The following COL19A1 variants were observed in gnomAD, a reference collection of about 807,000 sequenced individuals.
The protein encoded by COL19A1 is collagen alpha-1(XIX) chain.
COL19A1 carries 159 observed loss-of-function variants against 190.2 expected under a neutral mutation model. The ratio of observed to expected loss-of-function variants is 0.84; its 90% CI spans 0.73 to 0.95. The LOEUF is 0.95. COL19A1 is among the 40% of genes least tolerant of loss of function. The pLI is 0.00. For synonymous variants in COL19A1, 509 were observed against 458.9 expected (o/e 1.11, Z -1.39); for missense variants, 1,418 against 1,431.9 (o/e 0.99, Z 0.16).
intron 14 of COL19A1, among the ~76,000 whole-genome samples, chr6:70,063,224 G>A (rs1297775726): frequency 7.2e-5 from 11 of 151,878 alleles, no homozygotes; most frequent in Non-Finnish European, 1.0e-4. Flanking sequence ...TGACCACATA[G>A]TTGGAAGTAA....
intron 9 of COL19A1, among the ~76,000 whole-genome samples, chr6:69,945,552 C>T (rs1193629722): frequency 6.6e-6 from 1 of 152,002 alleles, no homozygotes; most frequent in Admixed American, 6.6e-5. Context: ...AATAACTTTA[C>T]AGAAGTAGGA....
intron 16 of COL19A1, among the ~76,000 whole-genome samples, chr6:70,110,403 T>C (rs1384318813): frequency 6.6e-6 from 1 of 152,142 alleles, no homozygotes; most frequent in Non-Finnish European, 1.5e-5. Flanking sequence ...ACAATTTATT[T>C]GAGTCAATGG....
intron 19 of COL19A1, among the ~76,000 whole-genome samples, chr6:70,138,384 A>G (rs1248847468): frequency 6.6e-6 from 1 of 152,146 alleles, no homozygotes; most frequent in Admixed American, 6.5e-5. Flanking sequence ...TTCAAATAGG[A>G]CCACCTAAAG....
Position 70,190,335 on chromosome 6 carries a change from A to G in COL19A1, c.3048A>G (p.Glu1016=). The change falls in exon 48 of 51, where the codon GAA becomes GAG. Residue 1016 remains glutamate, a synonymous_variant. Transcript: ENST00000620364. ...TTCAGGCTGATGCAGTTTCATTTGA[A>G]GAAATAAAGAAGTATATTAATCAAG... is the stretch of plus-strand genomic sequence containing the variant. ...PGIPADAVSF[E]EIKKYINQEV... The G allele has an allele frequency of 6.2e-7, 1 of 1,606,492 alleles. No homozygotes were observed. The highest frequency in any genetic ancestry group is 8.5e-7 in the Non-Finnish European group (1 of 1,174,598).
Position 69,981,324 on chromosome 6 carries a change from T to G in COL19A1, c.1026+18454T>G, listed in dbSNP as rs911751004. The stretch of plus-strand genomic sequence containing the variant: ...ATATCATAGAGTATTATAGAACTAC[T>G]GAATAAATTAGGATTCTGCTGGGTA... On this transcript the variant is annotated intron_variant, in intron 11 of 50. Coordinates refer to ENST00000620364, the MANE Select transcript of COL19A1 (RefSeq NM_001858.6). Among the ~76,000 whole-genome samples the G allele has an allele frequency of 3.9e-5, 6 of 152,250 alleles. No individual in the cohort carries two copies. In the East Asian group the frequency reaches 1.2e-3, roughly 29 times the overall value.
At chr6:70,009,934 A>T (rs1000930959) in intron 11 of COL19A1, among the ~76,000 whole-genome samples, 8 of 152,192 alleles carry the variant, frequency 5.3e-5, no homozygotes, top group Non-Finnish European at 8.8e-5. Flanking sequence ...CACATTATAG[A>T]AAACTTACTT....
intron 46 of COL19A1, among the ~76,000 whole-genome samples, chr6:70,185,565 G>GT (rs1353772428): frequency 6.6e-6 from 1 of 152,116 alleles, no homozygotes; most frequent in Admixed American, 6.5e-5. Flanking sequence ...GTTTTGTGTT[G>GT]TTTGGAGCGT....
rs145388052 is a variant in COL19A1 at position 70,184,903 on chromosome 6, C to G, written c.2844C>G (p.Pro948=). The change falls in exon 46 of 51, where the codon CCC becomes CCG. Residue 948 remains proline (P), a synonymous_variant. Coordinates refer to ENST00000620364, the MANE Select transcript of COL19A1 (RefSeq NM_001858.6). ...TGGGTAAGCCTGGAGACAGAGGCCC[C>G]AAAGGAGAACGTGTATGTATATTAC... ...GIMGKPGDRG[P]KGERGDQGIP... is the part of the protein sequence containing the mutation. 8.7e-5 allele frequency: 140 copies of G among 1,612,900 alleles called. 1 individual carries two copies. In the African/African-American group the frequency reaches 1.5e-3, roughly 17 times the overall value.
At chr6:70,132,900 T>C (rs1164664605) in intron 18 of COL19A1, among the ~76,000 whole-genome samples, 2 of 151,976 alleles carry the variant, frequency 1.3e-5, no homozygotes, top group African/African-American at 2.4e-5. Flanking sequence ...ATGGGCAGAA[T>C]TGTATCTACA....
intron 11 of COL19A1, among the ~76,000 whole-genome samples, chr6:70,009,859 C>G (rs750693953): frequency 2.2e-5 from 3 of 138,982 alleles, no homozygotes; most frequent in Non-Finnish European, 4.4e-5. Flanking sequence ...TTTCAACAAC[C>G]CTTTTATATG....
In COL19A1 at chr6:70,190,217, C is replaced by G. The variant is rs935836149; in HGVS notation, c.3028-98C>G. 93 of 871,144 alleles carry G rather than the reference C, an allele frequency of 1.1e-4. 1 individual carries two copies. Among genetic ancestry groups the G allele is most frequent in the Admixed American group, 1.6e-4 (6 of 38,642 alleles). The allele number at this position is 871,144 out of a possible 1,614,324, so 54.0% of individuals were successfully genotyped here. A position where few individuals can be genotyped will look rare whatever the true frequency, so the allele number is the denominator to read the frequency against. On this transcript the variant is annotated intron_variant, in intron 47 of 50. Transcript: ENST00000620364. Reference sequence around the variant, plus strand: ...AGCATTTTTCTTGATAAATGCATCCCTACAGAAGTTTCAAATAGGCAAGCC... The same window carrying G: ...AGCATTTTTCTTGATAAATGCATCCGTACAGAAGTTTCAAATAGGCAAGCC...
At position 70,142,814 on chromosome 6, in the gene COL19A1, A is replaced by G. The variant is rs1786350044; in HGVS notation, c.1620A>G (p.Gly540=). Residue 540 remains glycine, a synonymous_variant, in exon 23 of 51, where the codon GGA becomes GGG. Transcript: ENST00000620364. Reference sequence around the variant, plus strand: ...CCATGGGACCCAGAGGACCGCCAGGAGATGTTGTATGTATAATGTCTTTGA... The same window carrying G: ...CCATGGGACCCAGAGGACCGCCAGGGGATGTTGTATGTATAATGTCTTTGA... ...AGSMGPRGPP[G]DVGLPGEHGI... is the part of the protein sequence containing the mutation. 2.5e-6 allele frequency: 4 copies of G among 1,612,072 alleles called. 1 individual carries two copies. Among genetic ancestry groups the G allele is most frequent in the South Asian group, 2.2e-5 (2 of 90,882 alleles).
intron 48 of COL19A1, among the ~76,000 whole-genome samples, chr6:70,197,290 G>A (rs182675373): frequency 1.0e-3 from 156 of 152,126 alleles, no homozygotes; most frequent in Middle Eastern, 3.4e-3. Context: ...GGGCATGGTG[G>A]TGGGCGCCTG....
chr6:69,960,462 T>C (rs1774710010), intron 10 of COL19A1, among the ~76,000 whole-genome samples: 1 of 152,164 alleles, frequency 6.6e-6, no homozygotes, highest in South Asian at 2.1e-4. Flanking sequence ...ACATAAAATA[T>C]TATATATTAC....
chr6:69,912,937 A>T (rs959458111), intron 4 of COL19A1, among the ~76,000 whole-genome samples: 2 of 152,058 alleles, frequency 1.3e-5, no homozygotes, highest in East Asian at 1.9e-4. Flanking sequence ...AATACAAAAA[A>T]GTTAGCCAGG....
rs1301576469 is a variant in COL19A1, at chr6:69,921,431, T to TATC, written c.267-6476_267-6475insCAT. ...TATATCATATATCATATATATCATA[T>TATC]ATATCATATATATCATATATCATAT... On this transcript the variant is annotated intron_variant, in intron 4 of 50. Transcript: ENST00000620364. Among the ~76,000 whole-genome samples, 614 of 127,642 alleles carry TATC rather than the reference T, an allele frequency of 4.8e-3. 34 individuals are homozygous for TATC. Among genetic ancestry groups the TATC allele is most frequent in the African/African-American group, 0.015 (452 of 29,640 alleles). The allele number at this position is 127,642 out of a possible 152,430, so 83.7% of individuals were successfully genotyped here.
At chr6:70,063,597 C>T (rs1296825733) in intron 14 of COL19A1, among the ~76,000 whole-genome samples, 3 of 152,094 alleles carry the variant, frequency 2.0e-5, no homozygotes, top group Non-Finnish European at 4.4e-5. Flanking sequence ...CAAACACATT[C>T]AAAAGCTAGC....
At chr6:69,915,075 G>A (rs189759392) in intron 4 of COL19A1, among the ~76,000 whole-genome samples, 5 of 151,982 alleles carry the variant, frequency 3.3e-5, no homozygotes, top group Admixed American at 1.3e-4. Context: ...ATTTGAAACC[G>A]AACTGTTACT....
At chr6:69,933,248 A>G (rs1772895514) in intron 7 of COL19A1, among the ~76,000 whole-genome samples, 1 of 152,050 alleles carries the variant, frequency 6.6e-6, no homozygotes, top group Non-Finnish European at 1.5e-5. Context: ...TTCCTTTGAC[A>G]TAGACTTTTC....
Sources: allele counts gnomAD v4.1 joint callset (sites outside exome capture counted in the v4.1 genomes callset), GRCh38; gene constraint gnomAD v4.1.1; transcripts MANE v1.5; gene names NCBI Gene and HGNC (gene_info 2026-07-23, HGNC 2026-07-21).